Variants in OPCML observed in about 807,000 individuals in gnomAD.
The protein encoded by OPCML is opioid-binding protein/cell adhesion molecule.
OPCML carries 13 observed loss-of-function variants against 37.8 expected under a neutral mutation model. The ratio of observed to expected loss-of-function variants is 0.34; its 90% CI spans 0.22 to 0.55. The LOEUF is 0.55. OPCML is among the 20% of genes least tolerant of loss of function. OPCML has a pLI of 0.91. For synonymous variants in OPCML, 176 were observed against 168.8 expected, an observed-to-expected ratio of 1.04 and a Z score of -0.33; for missense variants, 341 against 435.6, an observed-to-expected ratio of 0.78 and a Z score of 1.93.
chr11:133,168,427 A>G (rs1341140533), intron 1 of OPCML, among the ~76,000 whole-genome samples: 1 of 152,232 alleles, frequency 6.6e-6, no homozygotes, highest in African/African-American at 2.4e-5. Flanking sequence ...AGAAAGAGCC[A>G]GTCATGAAGG....
At chr11:133,458,450 A>G (rs1168507313) in intron 1 of OPCML, among the ~76,000 whole-genome samples, 19 of 89,368 alleles carry the variant, frequency 2.1e-4, no homozygotes, top group East Asian at 9.0e-4. Context: ...GTGTGTGTAT[A>G]TATATACACA....
intron 1 of OPCML, among the ~76,000 whole-genome samples, chr11:133,468,457 A>G (rs1591534526): frequency 6.6e-6 from 1 of 152,228 alleles, no homozygotes; most frequent in African/African-American, 2.4e-5. Context: ...TGCGGCAGCC[A>G]GGAGGCACAA....
chr11:133,354,763 G>T (rs549306321), intron 1 of OPCML, among the ~76,000 whole-genome samples: 1 of 152,276 alleles, frequency 6.6e-6, no homozygotes, highest in South Asian at 2.1e-4. Flanking sequence ...ATCAGTTGTT[G>T]CAAAGTAACA....
At chr11:132,671,514 T>G (rs1942475643) in intron 2 of OPCML, among the ~76,000 whole-genome samples, 1 of 152,162 alleles carries the variant, frequency 6.6e-6, no homozygotes, top group Admixed American at 6.5e-5. Flanking sequence ...GAGGGTATTC[T>G]TAGCTGCTGA....
At chr11:133,433,035 C>T (rs1693225074) in intron 1 of OPCML, among the ~76,000 whole-genome samples, 1 of 152,086 alleles carries the variant, frequency 6.6e-6, no homozygotes, top group Admixed American at 6.5e-5. Context: ...GATTATCTTC[C>T]AGTCATGAAT....
chr11:132,854,190 T>C (rs998097615), intron 2 of OPCML, among the ~76,000 whole-genome samples: 5 of 152,160 alleles, frequency 3.3e-5, no homozygotes, highest in Admixed American at 1.3e-4. Flanking sequence ...GGGATTTTTT[T>C]AAAGGATACA....
chr11:132,472,602 C>T (rs2096141440), intron 4 of OPCML, among the ~76,000 whole-genome samples: 1 of 152,202 alleles, frequency 6.6e-6, no homozygotes, highest in Non-Finnish European at 1.5e-5. Flanking sequence ...CAAGAATATA[C>T]AAGTTCTCCA....
chr11:132,921,362 C>A (rs2659627), intron 2 of OPCML, among the ~76,000 whole-genome samples: 7,766 of 133,536 alleles, frequency 0.058, 306 homozygotes, highest in Middle Eastern at 0.17. Flanking sequence ...GTAGAAACAC[C>A]CACAGTGGGC....
intron 1 of OPCML, among the ~76,000 whole-genome samples, chr11:133,088,452 C>A (rs764071979): frequency 5.3e-5 from 8 of 152,216 alleles, no homozygotes; most frequent in Non-Finnish European, 8.8e-5. Context: ...AAACAGCAAG[C>A]TCACACTCAG....
intron 4 of OPCML, among the ~76,000 whole-genome samples, chr11:132,510,647 GCCA>G (rs1314048508): frequency 1.3e-5 from 2 of 152,040 alleles, no homozygotes; most frequent in African/African-American, 4.8e-5. Flanking sequence ...TTCTCTTGCT[GCCA>G]CCATGTAAGA....
At chr11:132,998,495 C>T (rs1170013290) in intron 1 of OPCML, among the ~76,000 whole-genome samples, 1 of 152,148 alleles carries the variant, frequency 6.6e-6, no homozygotes. Context: ...TTCTTTAGGG[C>T]CTCCCATCTT....
chr11:132,427,553 G>A (rs2095981744), intron 7 of OPCML, among the ~76,000 whole-genome samples: 2 of 152,310 alleles, frequency 1.3e-5, no homozygotes, highest in East Asian at 3.9e-4. Flanking sequence ...GAAACCAGTC[G>A]ATAAAGAGGC....
At chr11:132,670,697 A>G (rs1942435457) in intron 2 of OPCML, among the ~76,000 whole-genome samples, 1 of 152,230 alleles carries the variant, frequency 6.6e-6, no homozygotes, top group South Asian at 2.1e-4. Flanking sequence ...TAAAAAAAAC[A>G]AAAACTATAG....
intron 2 of OPCML, among the ~76,000 whole-genome samples, chr11:132,869,685 T>C (rs1323758205): frequency 6.6e-6 from 1 of 152,218 alleles, no homozygotes; most frequent in East Asian, 1.9e-4. Context: ...ATGTGGACTG[T>C]CATTTTCTCA....
At chr11:132,632,888 C>T (rs149014288) in intron 3 of OPCML, among the ~76,000 whole-genome samples, 10 of 151,058 alleles carry the variant, frequency 6.6e-5, no homozygotes, top group Non-Finnish European at 1.3e-4. Flanking sequence ...AGAAACATGA[C>T]TATTCAGCCT....
chr11:133,185,461 AGACAGCCGTCTACAATGCAACTCATAG>A, intron 1 of OPCML, among the ~76,000 whole-genome samples: 1 of 152,224 alleles, frequency 6.6e-6, no homozygotes. Context: ...CAGGGAAGGT[AGACAGCCGTCTACAATGCAACTCATAG>A]GAAGGACAAA....
intron 1 of OPCML, among the ~76,000 whole-genome samples, chr11:133,494,574 A>T (rs1317757255): frequency 2.7e-5 from 4 of 145,952 alleles, no homozygotes; most frequent in African/African-American, 5.4e-5. Flanking sequence ...CTTTGTAGGG[A>T]CATGGATGAA....
At chr11:132,617,425 G>C (rs1000996126) in intron 3 of OPCML, among the ~76,000 whole-genome samples, 2 of 152,162 alleles carry the variant, frequency 1.3e-5, no homozygotes, top group African/African-American at 4.8e-5. Flanking sequence ...GGGACACTTC[G>C]AAGTCAACAT....
chr11:132,712,755 A>G (rs1211516629), intron 2 of OPCML, among the ~76,000 whole-genome samples: 2 of 152,228 alleles, frequency 1.3e-5, no homozygotes, highest in East Asian at 1.9e-4. Flanking sequence ...CGCTTCTGGC[A>G]AGGTTTCCAG....
Sources: allele counts gnomAD v4.1 joint callset (sites outside exome capture counted in the v4.1 genomes callset), GRCh38; gene constraint gnomAD v4.1.1; transcripts MANE v1.5; gene names NCBI Gene and HGNC (gene_info 2026-07-23, HGNC 2026-07-21).